AMMECR1: variants seen among roughly 807,000 people sequenced by gnomAD.
AMMECR1 encodes the protein AMMECR nuclear protein 1, also known as nuclear protein AMMECR1.
In AMMECR1, 3 loss-of-function variants were observed where a neutral mutation model predicts 22.5. That is an observed-to-expected ratio of 0.13 (90% CI 0.06 to 0.35). AMMECR1 has a LOEUF of 0.35. Among genes scored for constraint, AMMECR1 ranks in the 10% least tolerant of loss-of-function variants. The pLI is 1.00. For synonymous variants in AMMECR1, 130 were observed against 116.7 expected (o/e 1.11, Z -0.74); for missense variants, 235 against 278.7 (o/e 0.84, Z 1.12).
At chrX:110,266,531 C>T (rs1167397285) in intron 1 of AMMECR1, among the ~76,000 whole-genome samples, 3 of 110,140 alleles carry the variant, frequency 2.7e-5, no homozygotes, top group Non-Finnish European at 5.7e-5. Context: ...TACAGGTATG[C>T]ACCACCATGC....
chrX:110,324,386 G>A (rs953873991), intron 2 of AMMECR1, among the ~76,000 whole-genome samples: 1 of 111,258 alleles, frequency 9.0e-6, no homozygotes, highest in African/African-American at 3.3e-5. Context: ...TTAAGATTTT[G>A]TGTACACAAG....
At chrX:110,434,221 G>C (rs113908164) in intron 1 of AMMECR1, among the ~76,000 whole-genome samples, 1,303 of 111,922 alleles carry the variant, frequency 0.012, 23 homozygotes, top group African/African-American at 0.04. Context: ...AGCAGGAGGG[G>C]AGTGGACGAG....
At chrX:110,348,300 C>A (rs2068198462) in intron 2 of AMMECR1, among the ~76,000 whole-genome samples, 2 of 111,913 alleles carry the variant, frequency 1.8e-5, no homozygotes, top group African/African-American at 6.5e-5. Flanking sequence ...TAGAACCCAC[C>A]AGGAAAAATT....
chrX:110,408,000 A>T (rs1447731821), intron 2 of AMMECR1, among the ~76,000 whole-genome samples: 1 of 112,565 alleles, frequency 8.9e-6, no homozygotes, highest in African/African-American at 3.2e-5. Context: ...AGAGTGGAAG[A>T]GCTGGCATAT....
intron 1 of AMMECR1, chrX:110,305,467 C>T (rs1372281655): frequency 8.9e-6 from 1 of 111,814 alleles, no homozygotes; most frequent in East Asian, 2.8e-4. Flanking sequence ...TGATGCATTA[C>T]AATTCAGTGA....
intron 2 of AMMECR1, among the ~76,000 whole-genome samples, chrX:110,353,462 C>A (rs2068218711): frequency 9.0e-6 from 1 of 111,514 alleles, no homozygotes; most frequent in South Asian, 3.7e-4. Context: ...AAACTTCCCT[C>A]CTACGACTAC....
chrX:110,363,774 C>G (rs1278036795), intron 2 of AMMECR1, among the ~76,000 whole-genome samples: 3 of 111,517 alleles, frequency 2.7e-5, no homozygotes, highest in African/African-American at 9.8e-5. Flanking sequence ...TATCTCTTCA[C>G]TCACCAGTAA....
intron 2 of AMMECR1, among the ~76,000 whole-genome samples, chrX:110,327,736 T>A (rs2068103414): frequency 8.9e-6 from 1 of 112,100 alleles, no homozygotes; most frequent in South Asian, 3.7e-4. Flanking sequence ...TTTAAGTAGT[T>A]GTTATTATTA....
chrX:110,311,709 T>C (rs1206123158), intron 1 of AMMECR1, among the ~76,000 whole-genome samples: 1 of 112,230 alleles, frequency 8.9e-6, no homozygotes, highest in East Asian at 2.8e-4. Context: ...ACTGTACTTC[T>C]TCCTTTGGGT....
rs773155277 is a variant in AMMECR1, at chrX:110,351,025, T to G, written c.-147-33176A>C. 2.7e-5 allele frequency among the ~76,000 whole-genome samples: 3 copies of G among 111,613 alleles called. No individual in the cohort carries two copies. The South Asian group carries it at 1.1e-3, about 42-fold the overall frequency. On this transcript the variant is annotated intron_variant, in intron 2 of 7. Coordinates refer to the AMMECR1 transcript ENST00000372057. ...ATTTCATTGCATCAAAAGAATAAAA[T>G]AGGAATAAATGTATCCAAGAAAGTG...
Position 110,198,293 on chromosome X carries a change from CA to C in AMMECR1, c.*226del, listed in dbSNP as rs879163620. The C allele has an allele frequency of 3.8e-3, 889 of 232,701 alleles. No homozygotes were observed. The highest frequency in any genetic ancestry group is 5.1e-3 in the East Asian group (79 of 15,627). The allele number at this position is 232,701 out of a possible 1,213,427, so 19.2% of individuals were successfully genotyped here. A position where few individuals can be genotyped will look rare whatever the true frequency, so the allele number is the denominator to read the frequency against. ...AAAAAACCCAAAATTATATATGCTG[CA>C]AAAAAAAAATCAACGATCTAAAATA... On this transcript the variant is annotated 3_prime_UTR_variant, in exon 6 of 6. Coordinates refer to ENST00000262844, the MANE Select transcript of AMMECR1 (RefSeq NM_015365.3).
Position 110,375,247 on chromosome X carries a change from G to A in AMMECR1, c.-148+51411C>T, listed in dbSNP as rs775150055. Among the ~76,000 whole-genome samples, 13 of 112,020 alleles carry A rather than the reference G, an allele frequency of 1.2e-4. No individual in the cohort carries two copies. In the South Asian group the frequency reaches 4.9e-3, roughly 42 times the overall value. On this transcript the variant is annotated intron_variant, in intron 2 of 7. Transcript: ENST00000372057. ...CTTTAGAGTTGAGTGGGAAATATAA[G>A]AAAGAAAGAAAGATGCTGGATGCAG...
intron 2 of AMMECR1, among the ~76,000 whole-genome samples, chrX:110,337,576 G>A (rs2068146025): frequency 9.0e-6 from 1 of 111,419 alleles, no homozygotes; most frequent in Admixed American, 9.5e-5. Context: ...AAAGAGTATT[G>A]GTGAGGATGT....
intron 3 of AMMECR1, among the ~76,000 whole-genome samples, chrX:110,206,145 T>A (rs1373845210): frequency 8.9e-6 from 1 of 112,060 alleles, no homozygotes; most frequent in Non-Finnish European, 1.9e-5. Flanking sequence ...TCTTGTCCAT[T>A]TCTCTATTTT....
intron 3 of AMMECR1, among the ~76,000 whole-genome samples, chrX:110,205,609 A>G (rs1453741319): frequency 1.8e-5 from 2 of 111,647 alleles, no homozygotes; most frequent in Non-Finnish European, 3.8e-5. Context: ...ACCCCTAACT[A>G]ATCCTGCCAC....
At chrX:110,349,089 G>T (rs2068201676) in intron 2 of AMMECR1, among the ~76,000 whole-genome samples, 1 of 111,827 alleles carries the variant, frequency 8.9e-6, no homozygotes, top group African/African-American at 3.3e-5. Flanking sequence ...GTTGCCATTT[G>T]TCCAACAATT....
At chrX:110,294,515 C>T (rs2067925032) in intron 1 of AMMECR1, among the ~76,000 whole-genome samples, 1 of 111,916 alleles carries the variant, frequency 8.9e-6, no homozygotes. Context: ...ATCCTGACAG[C>T]CAGCTCCAGA....
At chrX:110,249,697 C>A (rs1482149323) in intron 2 of AMMECR1, among the ~76,000 whole-genome samples, 1 of 111,807 alleles carries the variant, frequency 8.9e-6, no homozygotes, top group Non-Finnish European at 1.9e-5. Context: ...GTCAAGAGAT[C>A]GAGACTATCC....
chrX:110,316,460 G>GT (rs1173738621), intron 1 of AMMECR1, among the ~76,000 whole-genome samples: 8 of 110,632 alleles, frequency 7.2e-5, no homozygotes, highest in African/African-American at 2.3e-4. Flanking sequence ...TATTTTTCTT[G>GT]TTGATGCTAA....
Sources: allele counts gnomAD v4.1 joint callset (sites outside exome capture counted in the v4.1 genomes callset), GRCh38; gene constraint gnomAD v4.1.1; transcripts MANE v1.5; gene names NCBI Gene and HGNC (gene_info 2026-07-23, HGNC 2026-07-21).